The following ERC2 variants were observed in gnomAD, a reference collection of about 807,000 sequenced individuals.
The protein encoded by ERC2 is ERC protein 2.
ERC2 carries 42 observed loss-of-function variants against 114.8 expected under a neutral mutation model. That is an observed-to-expected ratio of 0.37 (90% confidence interval 0.29 to 0.47). The LOEUF is 0.47. Among genes scored for constraint, ERC2 ranks in the 20% least tolerant of loss-of-function variants. The pLI is 0.99. For missense variants in ERC2, 939 were observed against 1,150.7 expected (o/e 0.82, Z 2.66); for synonymous variants, 454 against 425.5 (o/e 1.07, Z -0.82).
intron 6 of ERC2, among the ~76,000 whole-genome samples, chr3:56,127,262 T>A (rs11715314): frequency 0.91 from 138,771 of 152,208 alleles, 63,727 homozygotes; most frequent in East Asian, 1. Flanking sequence ...CTAACTACAG[T>A]CTCAATGCAA....
In ERC2 at chr3:56,105,502, G is replaced by A. The variant is rs116425949; in HGVS notation, c.1474-24518C>T. Among the ~76,000 whole-genome samples, 682 of 152,132 alleles carry A rather than the reference G, an allele frequency of 4.5e-3. 7 individuals are homozygous for A. Among genetic ancestry groups the A allele is most frequent in the African/African-American group, 0.016 (664 of 41,490 alleles). On this transcript the variant is annotated intron_variant, in intron 6 of 17. Transcript: ENST00000288221. The stretch of plus-strand genomic sequence containing the variant: ...TTGTTTTGTTTCTATTTTTTTAAGA[G>A]ATGGGGTCTTGCTACATTGCCCAGG...
At chr3:56,368,940 C>T (rs1435641209) in intron 2 of ERC2, among the ~76,000 whole-genome samples, 1 of 152,088 alleles carries the variant, frequency 6.6e-6, no homozygotes, top group Non-Finnish European at 1.5e-5. Flanking sequence ...ACTACAGAAG[C>T]AATGCAGAAT....
At chr3:56,097,081 T>C (rs1560167135) in intron 6 of ERC2, among the ~76,000 whole-genome samples, 1 of 152,208 alleles carries the variant, frequency 6.6e-6, no homozygotes, top group Non-Finnish European at 1.5e-5. Context: ...CATTGAGTTT[T>C]AGGAAGAGCA....
intron 6 of ERC2, among the ~76,000 whole-genome samples, chr3:56,114,281 T>C (rs2079114897): frequency 6.6e-6 from 1 of 152,182 alleles, no homozygotes; most frequent in Admixed American, 6.5e-5. Context: ...AGGCATCCTG[T>C]ATGAGTAGCC....
At chr3:56,363,842 G>A (rs2059053300) in intron 2 of ERC2, among the ~76,000 whole-genome samples, 1 of 149,084 alleles carries the variant, frequency 6.7e-6, no homozygotes, top group Non-Finnish European at 1.5e-5. Flanking sequence ...AGGGAGAGAG[G>A]GAGGGAGGAA....
chr3:56,060,596 G>A (rs921072932), intron 7 of ERC2, among the ~76,000 whole-genome samples: 2 of 152,304 alleles, frequency 1.3e-5, no homozygotes, highest in South Asian at 2.1e-4. Flanking sequence ...GGCTAATGAC[G>A]GTGGCAGTGA....
At chr3:56,043,006 T>C (rs1236646256) in intron 7 of ERC2, among the ~76,000 whole-genome samples, 1 of 152,166 alleles carries the variant, frequency 6.6e-6, no homozygotes, top group Non-Finnish European at 1.5e-5. Context: ...TTTCAAAATA[T>C]TAATAAGTGA....
At chr3:55,979,853 A>G (rs1164107938) in intron 12 of ERC2, among the ~76,000 whole-genome samples, 4 of 151,632 alleles carry the variant, frequency 2.6e-5, no homozygotes, top group African/African-American at 9.7e-5. Context: ...CTGAGGAGGG[A>G]GCATCACTGG....
chr3:56,010,470 C>G lies in ERC2; in HGVS notation c.1899G>C (p.Gln633His). 6.2e-7 allele frequency: 1 copy of G among 1,613,498 alleles called. No homozygotes were observed. Among genetic ancestry groups the G allele is most frequent in the Non-Finnish European group, 8.5e-7 (1 of 1,179,624 alleles). The change falls in exon 9 of 18, where the codon CAG (glutamine) becomes CAC (histidine). Residue 633 changes from glutamine (Q) to histidine (H), a missense_variant. This residue lies in a region of ERC2 where 149 missense variants were observed against 254.6 expected (regional missense o/e 0.59). Coordinates refer to ENST00000288221, the MANE Select transcript of ERC2 (RefSeq NM_015576.3). ...KDLKEKVNALQAELTEKESSL... is the reference protein window; with the variant it reads ...KDLKEKVNALHAELTEKESSL... ...TCACCTCTTTCTCAGTCAGTTCAGC[C>G]TGTAAAGCATTGACCTTCTCTTTCA...
rs540017728 is a variant in ERC2, at chr3:55,825,711, T to A, written c.2564+62678A>T. Among the ~76,000 whole-genome samples, 184 of 152,318 alleles carry A rather than the reference T, an allele frequency of 1.2e-3. 2 individuals are homozygous for A. Among genetic ancestry groups the A allele is most frequent in the African/African-American group, 3.9e-3 (163 of 41,562 alleles). Reference sequence around the variant, plus strand: ...GCCATCTCTCAAAAGTATTTTACCCTCTGCTGAGAAATTAATATTTCATCT... The same window carrying A: ...GCCATCTCTCAAAAGTATTTTACCCACTGCTGAGAAATTAATATTTCATCT... On this transcript the variant is annotated intron_variant, in intron 14 of 17. Coordinates refer to ENST00000288221, the MANE Select transcript of ERC2 (RefSeq NM_015576.3).
At chr3:55,900,674 T>G (rs1243292940) in intron 13 of ERC2, among the ~76,000 whole-genome samples, 1 of 152,196 alleles carries the variant, frequency 6.6e-6, no homozygotes, top group African/African-American at 2.4e-5. Context: ...GGGAGTGGCT[T>G]CCCTATATGT....
intron 7 of ERC2, among the ~76,000 whole-genome samples, chr3:56,036,616 G>C (rs535816635): frequency 6.6e-6 from 1 of 152,294 alleles, no homozygotes; most frequent in East Asian, 1.9e-4. Context: ...TGCAACCCAT[G>C]GAGAGTGAGA....
At position 55,946,833 on chromosome 3, in the gene ERC2, T is replaced by C. The variant is rs562225967; in HGVS notation, c.2403+3592A>G. Among the ~76,000 whole-genome samples, 56 of 152,296 alleles carry C rather than the reference T, an allele frequency of 3.7e-4. No homozygotes were observed. In the South Asian group the frequency reaches 5.6e-3, roughly 15 times the overall value. The stretch of plus-strand genomic sequence containing the variant: ...GAACATTCCCTATTCCTGTAGATAG[T>C]GGTGATTTCCTCTGAGAAACAATAA... On this transcript the variant is annotated intron_variant, in intron 13 of 17. Transcript: ENST00000288221.
chr3:55,908,227 CTTAT>C (rs1256862888), intron 13 of ERC2, among the ~76,000 whole-genome samples: 1 of 152,240 alleles, frequency 6.6e-6, no homozygotes, highest in East Asian at 1.9e-4. Flanking sequence ...TGAAAAAAAT[CTTAT>C]TTTTTAATTA....
At chr3:56,121,184 G>T (rs988213189) in intron 6 of ERC2, among the ~76,000 whole-genome samples, 1 of 152,008 alleles carries the variant, frequency 6.6e-6, no homozygotes, top group South Asian at 2.1e-4. Flanking sequence ...AATTTACTAA[G>T]ACAAAACTTA....
intron 3 of ERC2, among the ~76,000 whole-genome samples, chr3:56,236,358 T>A (rs2150190437): frequency 6.6e-6 from 1 of 152,236 alleles, no homozygotes; most frequent in African/African-American, 2.4e-5. Flanking sequence ...TTCAGCATGA[T>A]AGTTTCCGAT....
At chr3:56,376,283 C>A (rs2059537394) in intron 2 of ERC2, among the ~76,000 whole-genome samples, 1 of 152,182 alleles carries the variant, frequency 6.6e-6, no homozygotes, top group Admixed American at 6.5e-5. Flanking sequence ...ACCAAACTCT[C>A]TCAGACTTAC....
At chr3:55,928,913 C>T (rs977096656) in intron 13 of ERC2, among the ~76,000 whole-genome samples, 3 of 152,166 alleles carry the variant, frequency 2.0e-5, no homozygotes, top group African/African-American at 7.2e-5. Context: ...AAAACGAGTT[C>T]ACTGTAGATG....
At chr3:55,636,118 C>T (rs1051969178) in intron 17 of ERC2, among the ~76,000 whole-genome samples, 29 of 151,976 alleles carry the variant, frequency 1.9e-4, no homozygotes, top group South Asian at 1.5e-3. Flanking sequence ...TCAGGTGATC[C>T]GCCCACCTCG....
Sources: gnomAD v4.1 joint callset for allele counts (sites outside exome capture counted in the v4.1 genomes callset) on GRCh38, gnomAD v4.1.1 for gene constraint, gnomAD v4.1.1 regional missense constraint, MANE v1.5 for transcripts, NCBI Gene and HGNC (gene_info 2026-07-23, HGNC 2026-07-21) for gene names.